The following CNTNAP5 variants were observed in gnomAD, a reference collection of about 807,000 sequenced individuals.
The protein encoded by CNTNAP5 is contactin associated protein family member 5.
In CNTNAP5, 72 loss-of-function variants were observed where a neutral mutation model predicts 150.2. The observed-to-expected ratio is 0.48, with a 90% CI of 0.40 to 0.58. The LOEUF is 0.58. Among genes scored for constraint, CNTNAP5 ranks in the 20% least tolerant of loss-of-function variants. The pLI is 0.00. For missense variants in CNTNAP5, 1,636 were observed against 1,626.2 expected, an observed-to-expected ratio of 1.01 and a Z score of -0.10; for synonymous variants, 672 against 619.8, an observed-to-expected ratio of 1.08 and a Z score of -1.25.
chr2:124,331,769 C>G (rs1400346021), intron 3 of CNTNAP5, among the ~76,000 whole-genome samples: 1 of 151,928 alleles, frequency 6.6e-6, no homozygotes, highest in Non-Finnish European at 1.5e-5. Flanking sequence ...ATTTTTACAG[C>G]TAATCAGAAG....
chr2:124,761,956 G>A (rs1051084894), intron 14 of CNTNAP5, among the ~76,000 whole-genome samples: 11 of 152,026 alleles, frequency 7.2e-5, no homozygotes, highest in African/African-American at 2.7e-4. Flanking sequence ...GCAGACTTTA[G>A]AAACTACCAT....
At position 124,387,769 on chromosome 2, in the gene CNTNAP5, AC is replaced by A. The variant is rs370124591; in HGVS notation, c.382-29673del. Among the ~76,000 whole-genome samples, 516 of 152,290 alleles carry A rather than the reference AC, an allele frequency of 3.4e-3. 3 individuals carry two copies. Among genetic ancestry groups the A allele is most frequent in the African/African-American group, 0.011 (476 of 41,558 alleles). The stretch of plus-strand genomic sequence containing the variant: ...GTTACTTCAGGCCATCTGGATGTAT[AC>A]GTGCAAGTCACAGGGGATGCGATGG... On this transcript the variant is annotated intron_variant, in intron 3 of 23. Transcript: ENST00000682447.
intron 3 of CNTNAP5, among the ~76,000 whole-genome samples, chr2:124,362,702 T>C (rs1397944335): frequency 6.6e-6 from 1 of 152,204 alleles, no homozygotes; most frequent in Non-Finnish European, 1.5e-5. Context: ...TATTCTCAGT[T>C]TGCAAGGCTC....
chr2:124,105,418 A>G (rs563352468), intron 1 of CNTNAP5, among the ~76,000 whole-genome samples: 3 of 152,318 alleles, frequency 2.0e-5, no homozygotes, highest in African/African-American at 7.2e-5. Flanking sequence ...AGATAGTGCC[A>G]TATTGTCCAA....
intron 19 of CNTNAP5, among the ~76,000 whole-genome samples, chr2:124,818,538 A>C (rs2104666291): frequency 6.6e-6 from 1 of 152,230 alleles, no homozygotes; most frequent in Middle Eastern, 3.4e-3. Flanking sequence ...TCTCTTAAAA[A>C]AAATACATCT....
chr2:124,869,301 T>C (rs1188851945), intron 20 of CNTNAP5, among the ~76,000 whole-genome samples: 2 of 152,018 alleles, frequency 1.3e-5, no homozygotes, highest in Non-Finnish European at 2.9e-5. Context: ...AAATGGAAAA[T>C]GAGTTCCTGC....
rs866318379 is a variant in CNTNAP5, at chr2:124,812,871, C to T, written c.3217+14551C>T. Among the ~76,000 whole-genome samples, 27 of 152,186 alleles carry T rather than the reference C, an allele frequency of 1.8e-4. No individual in the cohort carries two copies. In the Middle Eastern group the frequency reaches 0.014, roughly 77 times the overall value. On this transcript the variant is annotated intron_variant, in intron 19 of 23. Transcript: ENST00000682447. ...GGGTCTCCTGAGGGCTGTGCTGTGT[C>T]GTGATCTATGATCACTCATATTTCA...
chr2:124,873,992 A>G (rs1224226244), intron 21 of CNTNAP5, among the ~76,000 whole-genome samples: 1 of 152,080 alleles, frequency 6.6e-6, no homozygotes, highest in Non-Finnish European at 1.5e-5. Flanking sequence ...TATACCAGCC[A>G]CGGTGCTACA....
chr2:124,308,994 C>A (rs189208492), intron 3 of CNTNAP5, among the ~76,000 whole-genome samples: 56 of 152,232 alleles, frequency 3.7e-4, no homozygotes, highest in Non-Finnish European at 4.9e-4. Flanking sequence ...GGAATATGTG[C>A]CAAGACCCCC....
intron 5 of CNTNAP5, among the ~76,000 whole-genome samples, chr2:124,443,518 G>A (rs879525682): frequency 3.3e-5 from 5 of 151,972 alleles, no homozygotes; most frequent in Non-Finnish European, 5.9e-5. Context: ...GGAAGCACAA[G>A]CAAGACATTA....
chr2:124,079,260 A>G (rs780393506), intron 1 of CNTNAP5, among the ~76,000 whole-genome samples: 6 of 152,230 alleles, frequency 3.9e-5, no homozygotes, highest in Non-Finnish European at 7.3e-5. Context: ...TAATTGGCAG[A>G]AACAGCCTTC....
chr2:124,201,338 C>T (rs1425965229), intron 1 of CNTNAP5, among the ~76,000 whole-genome samples: 1 of 152,196 alleles, frequency 6.6e-6, no homozygotes, highest in Non-Finnish European at 1.5e-5. Context: ...CTCAGTGAGT[C>T]AGAAGACATT....
intron 11 of CNTNAP5, among the ~76,000 whole-genome samples, chr2:124,605,834 G>GAAAAAAAAAAAAAAAAAAAA (rs1558701516): frequency 1.5e-5 from 1 of 66,784 alleles, no homozygotes; most frequent in African/African-American, 6.7e-5. Context: ...AAAAAAAAAA[G>GAAAAAAAAAAAAAAAAAAAA]AAGGAAAGAA....
chr2:124,271,657 TAATC>T (rs1368198432), intron 3 of CNTNAP5, among the ~76,000 whole-genome samples: 1,428 of 131,630 alleles, frequency 0.011, 22 homozygotes, highest in African/African-American at 0.035. Context: ...AGTTTTTTTT[TAATC>T]TATCTATCTA....
chr2:124,045,344 G>T (rs1681501799), intron 1 of CNTNAP5, among the ~76,000 whole-genome samples: 1 of 149,328 alleles, frequency 6.7e-6, no homozygotes, highest in African/African-American at 2.5e-5. Flanking sequence ...TGTCACACAG[G>T]CTGGAGAGCA....
chr2:124,825,081 A>G (rs1288320103), intron 19 of CNTNAP5, among the ~76,000 whole-genome samples: 1 of 152,204 alleles, frequency 6.6e-6, no homozygotes, highest in Non-Finnish European at 1.5e-5. Context: ...GGACAATAGA[A>G]AAACCTGATA....
chr2:124,474,954 T>C (rs887511800), intron 7 of CNTNAP5, 72 bp downstream of exon 7: 1 of 1,326,166 alleles, frequency 7.5e-7, no homozygotes, highest in Admixed American at 2.5e-5. Flanking sequence ...CACCAGCCCA[T>C]TCCTGAACCC....
rs1292291463 is a variant in CNTNAP5, at chr2:124,920,908, A to G, written c.*6620A>G. ...CAGAATACCCTCCCCACAAAAATAC[A>G]CATATGTCAGACTCTTTATTATGGT... On this transcript the variant is annotated 3_prime_UTR_variant, in exon 24 of 24. Coordinates refer to ENST00000682447, the MANE Select transcript of CNTNAP5 (RefSeq NM_001367498.1). 6.6e-6 allele frequency among the ~76,000 whole-genome samples: 1 copy of G among 152,066 alleles called. No individual in the cohort carries two copies. Among genetic ancestry groups the G allele is most frequent in the Non-Finnish European group, 1.5e-5 (1 of 68,012 alleles).
chr2:124,158,930 A>T (rs953789374), intron 1 of CNTNAP5, among the ~76,000 whole-genome samples: 1 of 152,206 alleles, frequency 6.6e-6, no homozygotes, highest in Admixed American at 6.5e-5. Context: ...GAATAATAAG[A>T]TGCCCTCGAC....
Sources: allele counts gnomAD v4.1 joint callset (sites outside exome capture counted in the v4.1 genomes callset), GRCh38; gene constraint gnomAD v4.1.1; transcripts MANE v1.5; gene names NCBI Gene and HGNC (gene_info 2026-07-23, HGNC 2026-07-21).